Variants in ZW10 observed in about 807,000 individuals in gnomAD.
The protein encoded by ZW10 is zw10 kinetochore protein.
ZW10 carries 53 observed loss-of-function variants against 87.8 expected under a neutral mutation model. The observed-to-expected ratio is 0.60, with a 90% CI of 0.48 to 0.76. The LOEUF is 0.76. Ranked by LOEUF, ZW10 falls within the 30% of genes least tolerant of loss-of-function variation. The pLI is 0.00. For synonymous variants in ZW10, 312 were observed against 329.2 expected, an observed-to-expected ratio of 0.95 and a Z score of 0.57; for missense variants, 837 against 923.0, an observed-to-expected ratio of 0.91 and a Z score of 1.21.
intron 7 of ZW10, among the ~76,000 whole-genome samples, chr11:113,753,077 G>A (rs1184298995): frequency 6.6e-6 from 1 of 151,694 alleles, no homozygotes; most frequent in Non-Finnish European, 1.5e-5. Flanking sequence ...TTGTTATATA[G>A]GTAAACTTGT....
chr11:113,763,641 G>T (rs770278769), intron 2 of ZW10, among the ~76,000 whole-genome samples: 4 of 152,094 alleles, frequency 2.6e-5, no homozygotes, highest in Non-Finnish European at 5.9e-5. Flanking sequence ...TTTCATGTTT[G>T]TAGGCCGCAT....
chr11:113,740,574 ACT>A (rs1953604489), intron 11 of ZW10, among the ~76,000 whole-genome samples: 1 of 152,154 alleles, frequency 6.6e-6, no homozygotes, highest in Non-Finnish European at 1.5e-5. Flanking sequence ...ACAGAGTTAG[ACT>A]CTGTCTCAAA....
chr11:113,739,398 G>A lies in ZW10; in HGVS notation c.1584-16C>T. 6.4e-7 allele frequency: 1 copy of A among 1,570,952 alleles called. No homozygotes were observed. The highest frequency in any genetic ancestry group is 8.6e-7 in the Non-Finnish European group (1 of 1,160,368). On this transcript the variant is annotated splice_polypyrimidine_tract_variant and intron_variant, in intron 11 of 15. Transcript: ENST00000200135. ...AAGGTTCTCCCTAGGCCAGAAGGAGGGGTAGAAAAACAAAGCAACCACCTG... is the reference window on the plus strand; with the variant it reads ...AAGGTTCTCCCTAGGCCAGAAGGAGAGGTAGAAAAACAAAGCAACCACCTG...
intron 7 of ZW10, among the ~76,000 whole-genome samples, chr11:113,753,686 G>A (rs2134882764): frequency 6.6e-6 from 1 of 152,354 alleles, no homozygotes; most frequent in Non-Finnish European, 1.5e-5. Context: ...AACTACAGGA[G>A]TGAGCCACTG....
intron 13 of ZW10, 52 bp downstream of exon 13, chr11:113,738,212 A>G: frequency 1.3e-6 from 2 of 1,516,508 alleles, no homozygotes; most frequent in Non-Finnish European, 1.8e-6. Flanking sequence ...AAACAAAAAA[A>G]AAGGCATCTA....
At chr11:113,748,208 T>G in intron 8 of ZW10, 49 bp downstream of exon 8, 1 of 1,492,272 alleles carries the variant, frequency 6.7e-7, no homozygotes, top group Non-Finnish European at 8.9e-7. Context: ...AAGACAGCAA[T>G]AAGAAACAAC....
At chr11:113,767,486 T>C (rs1953920526) in intron 2 of ZW10, among the ~76,000 whole-genome samples, 1 of 152,098 alleles carries the variant, frequency 6.6e-6, no homozygotes, top group Non-Finnish European at 1.5e-5. Context: ...GTCACTAGGA[T>C]CCATCAATTT....
rs1953747558 is a variant in ZW10, at chr11:113,752,801, C to T, written c.926-4381G>A. Among the ~76,000 whole-genome samples the T allele has an allele frequency of 2.6e-5, 4 of 152,112 alleles. No individual in the cohort carries two copies. The South Asian group carries it at 8.3e-4, about 32-fold the overall frequency. ...TACTGAAATTAGACCAACTAATAAC[C>T]CTACAATGGCTTATACGTGTTCAAG... On this transcript the variant is annotated intron_variant, in intron 7 of 15. Coordinates refer to ENST00000200135, the MANE Select transcript of ZW10 (RefSeq NM_004724.4).
At chr11:113,744,488 G>T (rs1464686545) in intron 9 of ZW10, among the ~76,000 whole-genome samples, 1 of 152,178 alleles carries the variant, frequency 6.6e-6, no homozygotes, top group African/African-American at 2.4e-5. Context: ...GTAATTAAAA[G>T]ATTTCAATAA....
intron 2 of ZW10, among the ~76,000 whole-genome samples, chr11:113,761,337 G>A (rs1372911284): frequency 1.3e-5 from 2 of 152,110 alleles, no homozygotes; most frequent in African/African-American, 4.8e-5. Context: ...AAGCGCAGTG[G>A]TGCAATCTCA....
chr11:113,763,787 A>G (rs182129426), intron 2 of ZW10, among the ~76,000 whole-genome samples: 179 of 152,208 alleles, frequency 1.2e-3, no homozygotes, highest in South Asian at 5.4e-3. Context: ...AGATTGCAAA[A>G]ATTTTCTCCC....
intron 15 of ZW10, among the ~76,000 whole-genome samples, chr11:113,735,772 A>G (rs1449840134): frequency 6.6e-6 from 1 of 152,102 alleles, no homozygotes; most frequent in Non-Finnish European, 1.5e-5. Context: ...GCACAGCAAC[A>G]TTAACTGATG....
intron 2 of ZW10, among the ~76,000 whole-genome samples, chr11:113,763,583 A>G (rs1010359916): frequency 6.6e-6 from 1 of 152,110 alleles, no homozygotes; most frequent in Non-Finnish European, 1.5e-5. Flanking sequence ...ATGGTATCTC[A>G]TTGTGGTTTT....
intron 9 of ZW10, among the ~76,000 whole-genome samples, chr11:113,746,381 T>C (rs1381099613): frequency 1.3e-5 from 2 of 151,512 alleles, no homozygotes; most frequent in Admixed American, 6.6e-5. Context: ...GAGATATATA[T>C]GAATTCATTT....
At chr11:113,759,195 CA>C (rs961244715) in intron 5 of ZW10, among the ~76,000 whole-genome samples, 3 of 149,798 alleles carry the variant, frequency 2.0e-5, no homozygotes, top group Admixed American at 1.3e-4. Flanking sequence ...GACCCTGTTT[CA>C]AAAAAAAAGA....
intron 5 of ZW10, 50 bp downstream of exon 5, chr11:113,760,159 C>T (rs1243530532): frequency 1.3e-6 from 2 of 1,584,494 alleles, no homozygotes; most frequent in African/African-American, 2.7e-5. Context: ...TCAGACACTA[C>T]ACTGGTTCAG....
At chr11:113,750,466 G>A (rs2134879536) in intron 7 of ZW10, among the ~76,000 whole-genome samples, 1 of 152,176 alleles carries the variant, frequency 6.6e-6, no homozygotes, top group South Asian at 2.1e-4. Context: ...ACCACGCCCA[G>A]CTAATTTTTG....
chr11:113,761,676 C>G (rs1953861782), intron 2 of ZW10, among the ~76,000 whole-genome samples: 1 of 152,158 alleles, frequency 6.6e-6, no homozygotes, highest in Non-Finnish European at 1.5e-5. Context: ...CCTAAAATCT[C>G]CAATTAACCT....
chr11:113,745,203 G>A (rs1953666315), intron 9 of ZW10, among the ~76,000 whole-genome samples: 1 of 151,310 alleles, frequency 6.6e-6, no homozygotes, highest in East Asian at 1.9e-4. Flanking sequence ...TTTTAACAAA[G>A]TCATTTAACC....
Sources: gnomAD v4.1 joint callset for allele counts (sites outside exome capture counted in the v4.1 genomes callset) on GRCh38, gnomAD v4.1.1 for gene constraint, MANE v1.5 for transcripts, NCBI Gene and HGNC (gene_info 2026-07-23, HGNC 2026-07-21) for gene names.